The following PPIP5K2 variants were observed in gnomAD, a reference collection of about 807,000 sequenced individuals.
PPIP5K2 encodes the protein diphosphoinositol pentakisphosphate kinase 2, also known as inositol hexakisphosphate and diphosphoinositol-pentakisphosphate kinase 2.
PPIP5K2 carries 105 observed loss-of-function variants against 154.6 expected under a neutral mutation model. The observed-to-expected ratio is 0.68, with a 90% CI of 0.58 to 0.80. The LOEUF (loss-of-function observed/expected upper bound fraction) is 0.80, where lower values mean the gene tolerates loss of function less well. Ranked by LOEUF, PPIP5K2 falls within the 30% of genes least tolerant of loss-of-function variation. The probability of loss-of-function intolerance (pLI) is 0.00; values close to 1 mark genes in which losing one functional copy is unlikely to be tolerated. For missense variants in PPIP5K2, 992 were observed against 1,504.6 expected, an observed-to-expected ratio of 0.66 and a Z score of 5.64; for synonymous variants, 480 against 490.3, an observed-to-expected ratio of 0.98 and a Z score of 0.28.
At chr5:103,141,307 T>G (rs1310402139) in intron 5 of PPIP5K2, among the ~76,000 whole-genome samples, 1 of 152,046 alleles carries the variant, frequency 6.6e-6, no homozygotes, top group African/African-American at 2.4e-5. Flanking sequence ...GTTTCTTCCT[T>G]CTGGTGGGTT....
At chr5:103,173,785 G>A (rs1798315972) in intron 20 of PPIP5K2, 73 bp from the exon 21 acceptor site, 1 of 998,208 alleles carries the variant, frequency 1.0e-6, no homozygotes, top group African/African-American at 1.7e-5. Context: ...TTTAATTTTA[G>A]AAAATAATTT....
Position 103,201,581 on chromosome 5 carries a change from A to G in PPIP5K2, c.3679A>G (p.Thr1227Ala), listed in dbSNP as rs781882927. ...PNTSSRKKNI[T>A]SKTETHEHKK... ...TACCTCATCTCGGAAAAAGAATATA[A>G]CTAGCAAAACAGAAACGCATGAACA... Residue 1227 changes from threonine to alanine, a missense_variant, in exon 31 of 31, where the codon ACT becomes GCT. By Grantham distance (58) the Thr-to-Ala change is moderately conservative (BLOSUM62 0). Transcript: ENST00000358359. The G allele has an allele frequency of 8.1e-6, 13 of 1,611,678 alleles. No homozygotes were observed. Among genetic ancestry groups the G allele is most frequent in the South Asian group, 1.1e-5 (1 of 90,548 alleles).
chr5:103,170,547 A>G lies in PPIP5K2; in HGVS notation c.2286+2252A>G, dbSNP rs143650067. ...TAGTTTTAAAACAAAAGGTCTTTTTATATGCTTCCCTGGTGTCCTGAGATT... is the reference window on the plus strand; with the variant it reads ...TAGTTTTAAAACAAAAGGTCTTTTTGTATGCTTCCCTGGTGTCCTGAGATT... On this transcript the variant is annotated intron_variant, in intron 19 of 30. Transcript: ENST00000358359. Among the ~76,000 whole-genome samples the G allele has an allele frequency of 1.1e-3, 167 of 151,654 alleles. 1 individual carries two copies. Among genetic ancestry groups the G allele is most frequent in the African/African-American group, 3.9e-3 (162 of 41,488 alleles).
intron 19 of PPIP5K2, among the ~76,000 whole-genome samples, chr5:103,171,517 A>G (rs1189463827): frequency 6.6e-6 from 1 of 151,576 alleles, no homozygotes; most frequent in Non-Finnish European, 1.5e-5. Flanking sequence ...AAATATTGAA[A>G]CTACATATGA....
In PPIP5K2 at chr5:103,168,819, T is replaced by A. The variant is rs539171580; in HGVS notation, c.2286+524T>A. Among the ~76,000 whole-genome samples, 63 of 151,958 alleles carry A rather than the reference T, an allele frequency of 4.1e-4. 1 individual carries two copies. The South Asian group carries it at 9.1e-3, about 22-fold the overall frequency. ...ATAAGAAGGTAGTAAAGTTTTTTTT[T>A]AATTTAAGAATTGATACTCTTAGAG... On this transcript the variant is annotated intron_variant, in intron 19 of 30. Coordinates refer to ENST00000358359, the MANE Select transcript of PPIP5K2 (RefSeq NM_001276277.3).
intron 23 of PPIP5K2, among the ~76,000 whole-genome samples, chr5:103,178,895 A>G (rs1434013840): frequency 1.3e-5 from 2 of 151,886 alleles, no homozygotes; most frequent in South Asian, 4.1e-4. Context: ...TAAATGATTT[A>G]TTTATGATAA....
intron 1 of PPIP5K2, among the ~76,000 whole-genome samples, chr5:103,126,675 A>G (rs1789730654): frequency 1.3e-5 from 2 of 151,928 alleles, no homozygotes; most frequent in South Asian, 4.1e-4. Context: ...GATGTTTAAG[A>G]GCAGGAAGCA....
chr5:103,177,992 G>A lies in PPIP5K2; in HGVS notation c.2754+12G>A. 1 of 1,489,822 alleles carries A rather than the reference G, an allele frequency of 6.7e-7. No individual in the cohort carries two copies. Among genetic ancestry groups the A allele is most frequent in the East Asian group, 2.3e-5 (1 of 44,240 alleles). The allele number at this position is 1,489,822 out of a possible 1,614,324, so 92.3% of individuals were successfully genotyped here. ...CAGCTTCCAGAGAGGTAATGAAGGT[G>A]GAACTCTCAGTGCTTAGTTACTACA... is the stretch of plus-strand genomic sequence containing the variant. On this transcript the variant is annotated intron_variant, in intron 23 of 30. Coordinates refer to ENST00000358359, the MANE Select transcript of PPIP5K2 (RefSeq NM_001276277.3).
intron 2 of PPIP5K2, among the ~76,000 whole-genome samples, chr5:103,130,753 T>A (rs1433348036): frequency 6.6e-6 from 1 of 152,136 alleles, no homozygotes; most frequent in Non-Finnish European, 1.5e-5. Flanking sequence ...CGTCTCTGGC[T>A]CACTTAAACT....
intron 5 of PPIP5K2, among the ~76,000 whole-genome samples, chr5:103,140,700 A>ATTTTTTTT (rs1792435131): frequency 6.6e-6 from 1 of 151,320 alleles, no homozygotes; most frequent in South Asian, 2.1e-4. Context: ...AGCCGGGCGC[A>ATTTTTTTT]GTGGCGGGCG....
chr5:103,137,363 C>T (rs554559493), intron 4 of PPIP5K2, among the ~76,000 whole-genome samples: 121 of 152,068 alleles, frequency 8.0e-4, no homozygotes, highest in African/African-American at 2.7e-3. Context: ...AGGGTTTCAC[C>T]GTGTTAGCCA....
intron 27 of PPIP5K2, among the ~76,000 whole-genome samples, chr5:103,186,645 C>G (rs1180712982): frequency 6.6e-6 from 1 of 152,106 alleles, no homozygotes; most frequent in Admixed American, 6.6e-5. Context: ...ATTTACAGTA[C>G]TTGTACAATA....
At chr5:103,172,075 A>G (rs1798058980) in intron 19 of PPIP5K2, among the ~76,000 whole-genome samples, 1 of 151,694 alleles carries the variant, frequency 6.6e-6, no homozygotes, top group African/African-American at 2.4e-5. Context: ...TACCCAGACC[A>G]GCAGTGTATG....
At chr5:103,124,262 G>C (rs1789257269) in intron 1 of PPIP5K2, among the ~76,000 whole-genome samples, 1 of 142,172 alleles carries the variant, frequency 7.0e-6, no homozygotes, top group Non-Finnish European at 1.5e-5. Flanking sequence ...CCTGGGGACA[G>C]AGCGAGACTC....
At chr5:103,144,428 C>T (rs1270170029) in intron 5 of PPIP5K2, among the ~76,000 whole-genome samples, 1 of 152,016 alleles carries the variant, frequency 6.6e-6, no homozygotes, top group African/African-American at 2.4e-5. Flanking sequence ...AAAAAAAATA[C>T]TAAAATTTAT....
At chr5:103,130,129 C>T (rs782211376) in intron 2 of PPIP5K2, among the ~76,000 whole-genome samples, 16 of 152,136 alleles carry the variant, frequency 1.1e-4, no homozygotes, top group Middle Eastern at 3.4e-3. Context: ...CTGGTTGAAC[C>T]GAAGATACTC....
At chr5:103,174,034 C>G in intron 21 of PPIP5K2, 62 bp downstream of exon 21, 1 of 1,248,144 alleles carries the variant, frequency 8.0e-7, no homozygotes, top group South Asian at 1.4e-5. Flanking sequence ...AAATCACTAA[C>G]TGCTATTTTT....
intron 10 of PPIP5K2, among the ~76,000 whole-genome samples, 187 bp downstream of exon 10, chr5:103,152,936 C>T (rs1360004478): frequency 6.6e-6 from 1 of 151,722 alleles, no homozygotes; most frequent in African/African-American, 2.4e-5. Flanking sequence ...AAATAAACTA[C>T]TGAAACATGC....
chr5:103,145,588 C>T (rs1369751247), intron 5 of PPIP5K2, among the ~76,000 whole-genome samples: 1 of 151,862 alleles, frequency 6.6e-6, no homozygotes, highest in African/African-American at 2.4e-5. Context: ...TCATTTGCAA[C>T]AACATGGATG....
Sources: allele counts gnomAD v4.1 joint callset (sites outside exome capture counted in the v4.1 genomes callset), GRCh38; gene constraint gnomAD v4.1.1; transcripts MANE v1.5; gene names NCBI Gene and HGNC (gene_info 2026-07-23, HGNC 2026-07-21).